Variants in PTPRS observed in about 807,000 individuals in gnomAD.
The protein encoded by PTPRS is protein tyrosine phosphatase receptor type S.
In PTPRS, 63 loss-of-function variants were observed where a neutral mutation model predicts 215.3. The ratio of observed to expected loss-of-function variants is 0.29; its 90% CI spans 0.24 to 0.36. The LOEUF is 0.36. Among genes scored for constraint, PTPRS ranks in the 10% least tolerant of loss-of-function variants. PTPRS has a pLI of 1.00. For missense variants in PTPRS, 2,258 were observed against 2,825.8 expected (o/e 0.80, Z 4.56); for synonymous variants, 1,404 against 1,191.4 (o/e 1.18, Z -3.68).
chr19:5,333,200 G>A (rs958800320), intron 1 of PTPRS, among the ~76,000 whole-genome samples: 10 of 151,204 alleles, frequency 6.6e-5, no homozygotes, highest in Admixed American at 2.6e-4. Context: ...GCCAGGTGTG[G>A]TGGCTCACAC....
intron 2 of PTPRS, among the ~76,000 whole-genome samples, chr19:5,275,358 CT>C (rs1383042681): frequency 1.3e-5 from 2 of 151,546 alleles, no homozygotes; most frequent in Non-Finnish European, 2.9e-5. Flanking sequence ...GCATGAGCCG[CT>C]GCACCCAGCC....
At chr19:5,275,896 C>T (rs528415746) in intron 2 of PTPRS, among the ~76,000 whole-genome samples, 2 of 152,222 alleles carry the variant, frequency 1.3e-5, no homozygotes, top group African/African-American at 4.8e-5. Flanking sequence ...GATCCTCCCA[C>T]CTTGGCCTCC....
At chr19:5,327,600 G>C (rs1330712625) in intron 1 of PTPRS, among the ~76,000 whole-genome samples, 1 of 152,004 alleles carries the variant, frequency 6.6e-6, no homozygotes, top group African/African-American at 2.4e-5. Flanking sequence ...CATCAGGCCT[G>C]GCTCAGTTCT....
rs116325160 is a variant in PTPRS, at chr19:5,297,152, T to C, written c.-94-10918A>G. On this transcript the variant is annotated intron_variant, in intron 1 of 37. Transcript: ENST00000262963. ...CTGGACCCCTCCAAAAACGTTCCATTGATATGTCCTCTGTATACACCCAGG... is the reference window on the plus strand; with the variant it reads ...CTGGACCCCTCCAAAAACGTTCCATCGATATGTCCTCTGTATACACCCAGG... Among the ~76,000 whole-genome samples, 304 of 152,198 alleles carry C rather than the reference T, an allele frequency of 2.0e-3. 2 individuals carry two copies. Among genetic ancestry groups the C allele is most frequent in the African/African-American group, 5.1e-3 (212 of 41,522 alleles).
intron 13 of PTPRS, among the ~76,000 whole-genome samples, chr19:5,235,989 G>A (rs187313142): frequency 6.6e-4 from 101 of 152,316 alleles, no homozygotes; most frequent in Non-Finnish European, 1.2e-3. Flanking sequence ...CATGTTTCAT[G>A]TATTATCTCA....
chr19:5,219,895 T>G (rs1300641588), intron 22 of PTPRS, 44 bp downstream of exon 22: 1 of 1,591,884 alleles, frequency 6.3e-7, no homozygotes, highest in Non-Finnish European at 8.6e-7. Flanking sequence ...TCTGCCTCAT[T>G]CAGAGGTGTG....
chr19:5,244,231 TG>T lies in PTPRS; in HGVS notation c.1239del (p.Ser414AlafsTer30), dbSNP rs1390768500. The stretch of plus-strand genomic sequence containing the variant: ...CCTGTGCGGGTGACCACGGACTCGC[TG>T]GGGGGCCCCTGGCCGATGGAGTTGA... ...SAVNSIGQGP[P>X]SESVVTRTGE... On this transcript the variant is annotated frameshift_variant, in exon 11 of 38. Transcript: ENST00000262963. LOFTEE classifies it high-confidence loss of function. The surrounding 1 kb of genome is among the most constrained non-coding windows in gnomAD (Gnocchi z 7.2). 1 of 1,611,986 alleles carries T rather than the reference TG, an allele frequency of 6.2e-7. No individual in the cohort carries two copies.
intron 1 of PTPRS, among the ~76,000 whole-genome samples, chr19:5,290,951 G>C (rs1055577045): frequency 1.5e-4 from 23 of 151,946 alleles, no homozygotes; most frequent in Admixed American, 1.4e-3. Context: ...TGGGCAGCAA[G>C]CACAGGCTCT....
At chr19:5,284,592 C>T (rs113919703) in intron 2 of PTPRS, among the ~76,000 whole-genome samples, 2,821 of 151,978 alleles carry the variant, frequency 0.019, 52 homozygotes, top group Middle Eastern at 0.048. Flanking sequence ...TGCTGATAAT[C>T]GCATTCACCT....
chr19:5,213,469 G>A (rs1568372608), intron 30 of PTPRS, among the ~76,000 whole-genome samples: 1 of 143,986 alleles, frequency 6.9e-6, no homozygotes, highest in Non-Finnish European at 1.6e-5. Context: ...CCCTAACACT[G>A]TTTTTCTCCT....
chr19:5,239,150 CAG>C (rs1268436871), intron 12 of PTPRS, 87 bp from the exon 13 acceptor site: 13 of 721,640 alleles, frequency 1.8e-5, no homozygotes, highest in Middle Eastern at 3.7e-4. Flanking sequence ...GAGACAGAAA[CAG>C]AGGGGGGAGG....
intron 13 of PTPRS, among the ~76,000 whole-genome samples, chr19:5,236,010 G>C (rs953085217): frequency 6.6e-6 from 1 of 152,330 alleles, no homozygotes; most frequent in East Asian, 1.9e-4. Context: ...TTTAACGCAT[G>C]TATCATCTCA....
intron 9 of PTPRS, among the ~76,000 whole-genome samples, chr19:5,247,951 A>ACTG (rs1212481315): frequency 1.3e-5 from 2 of 151,124 alleles, no homozygotes; most frequent in African/African-American, 4.9e-5. Context: ...AGTGGAGGGT[A>ACTG]CTGCTCCAGG....
chr19:5,233,892 G>A (rs1313778640), intron 13 of PTPRS, among the ~76,000 whole-genome samples: 1 of 127,564 alleles, frequency 7.8e-6, no homozygotes, highest in African/African-American at 2.9e-5. Flanking sequence ...GTTGCAGTGA[G>A]CCAAGATCGT....
intron 11 of PTPRS, among the ~76,000 whole-genome samples, chr19:5,241,992 T>C (rs1415453255): frequency 6.6e-6 from 1 of 151,960 alleles, no homozygotes; most frequent in Non-Finnish European, 1.5e-5. Flanking sequence ...CACGCTATCA[T>C]GCCCGGCTAA....
At chr19:5,218,574 C>T (rs2041694422) in intron 24 of PTPRS, 42 bp from the exon 25 acceptor site, 1 of 1,591,640 alleles carries the variant, frequency 6.3e-7, no homozygotes, top group South Asian at 1.1e-5. Flanking sequence ...AGTAGTGGCA[C>T]ATGTTCATGT....
In PTPRS at chr19:5,257,969, T is replaced by C; in HGVS notation, c.706+48A>G. On this transcript the variant is annotated intron_variant, in intron 8 of 37. Transcript: ENST00000262963. The surrounding 1 kb of genome is among the most constrained non-coding windows in gnomAD (Gnocchi z 4.4). Reference sequence around the variant, plus strand: ...CGGTGAGCCCGAGGAGGGAGGGGGATGGGACGGGGCGGGTCCCTGCCTTTG... The same window carrying C: ...CGGTGAGCCCGAGGAGGGAGGGGGACGGGACGGGGCGGGTCCCTGCCTTTG... The C allele has an allele frequency of 6.7e-7, 1 of 1,499,890 alleles. No homozygotes were observed. The highest frequency in any genetic ancestry group is 1.7e-5 in the Admixed American group (1 of 58,350). 92.9% of individuals were successfully genotyped at this position (1,499,890 alleles called of 1,614,324 possible).
Position 5,257,339 on chromosome 19 carries a change from C to T in PTPRS, c.706+678G>A, listed in dbSNP as rs1473144342. On this transcript the variant is annotated intron_variant, in intron 8 of 37. Transcript: ENST00000262963. This position sits in a 1 kb window ranked among gnomAD's most constrained non-coding sequence, Gnocchi z 4.4. Reference sequence around the variant, plus strand: ...GAGAGTAACAAGCTTCGCTGGGTGCCGTGCCTGCCCCAGCTCGGTGCAACT... The same window carrying T: ...GAGAGTAACAAGCTTCGCTGGGTGCTGTGCCTGCCCCAGCTCGGTGCAACT... 6.8e-6 allele frequency: 3 copies of T among 439,136 alleles called. No individual in the cohort carries two copies. Among genetic ancestry groups the T allele is most frequent in the East Asian group, 1.4e-4 (2 of 13,900 alleles). The allele number at this position is 439,136 out of a possible 1,614,324, so 27.2% of individuals were successfully genotyped here. A position where few individuals can be genotyped will look rare whatever the true frequency, so the allele number is the denominator to read the frequency against.
At chr19:5,270,727 T>C (rs1466656573) in intron 4 of PTPRS, among the ~76,000 whole-genome samples, 2 of 152,014 alleles carry the variant, frequency 1.3e-5, no homozygotes, top group African/African-American at 4.8e-5. Flanking sequence ...AGCCTCCGCC[T>C]CCCGGGTTCA....
Sources: allele counts gnomAD v4.1 joint callset (sites outside exome capture counted in the v4.1 genomes callset), GRCh38; gene constraint gnomAD v4.1.1; non-coding constraint Gnocchi (gnomAD v3.1); transcripts MANE v1.5; gene names NCBI Gene and HGNC (gene_info 2026-07-23, HGNC 2026-07-21).